ZFPM2: variants seen among roughly 807,000 people sequenced by gnomAD.
The protein encoded by ZFPM2 is zinc finger protein ZFPM2.
In ZFPM2, 20 loss-of-function variants were observed where a neutral mutation model predicts 98.6. That is an observed-to-expected ratio of 0.20 (90% CI 0.14 to 0.29). The LOEUF (loss-of-function observed/expected upper bound fraction) is 0.29, where lower values mean the gene tolerates loss of function less well. Among genes scored for constraint, ZFPM2 ranks in the 10% least tolerant of loss-of-function variants. The pLI is 1.00. For synonymous variants in ZFPM2, 518 were observed against 502.7 expected (o/e 1.03, Z -0.41); for missense variants, 1,310 against 1,388.6 (o/e 0.94, Z 0.90).
chr8:105,503,747 C>T (rs541700642), intron 3 of ZFPM2, among the ~76,000 whole-genome samples: 4 of 152,242 alleles, frequency 2.6e-5, no homozygotes, highest in East Asian at 1.9e-4. Context: ...TATTTACTCA[C>T]ATTGATAAAG....
Position 105,786,735 on chromosome 8 carries a change from T to G in ZFPM2, c.533-1983T>G, listed in dbSNP as rs186725853. On this transcript the variant is annotated intron_variant, in intron 5 of 7. Transcript: ENST00000407775. ...TAATTTTACTTATTTACTAAATCTT[T>G]TGGTTCAGAATTTGAGCATAAATAC... Among the ~76,000 whole-genome samples the G allele has an allele frequency of 3.3e-5, 5 of 152,380 alleles. No individual in the cohort carries two copies. The East Asian group carries it at 9.6e-4, about 29-fold the overall frequency.
At chr8:105,357,077 G>A (rs1812762120) in intron 1 of ZFPM2, among the ~76,000 whole-genome samples, 3 of 144,854 alleles carry the variant, frequency 2.1e-5, no homozygotes, top group Non-Finnish European at 3.1e-5. Flanking sequence ...CAAGCCCCTG[G>A]CTTCTGTTCC....
intron 4 of ZFPM2, among the ~76,000 whole-genome samples, chr8:105,609,143 A>C (rs539878567): frequency 1.3e-5 from 2 of 152,272 alleles, no homozygotes; most frequent in African/African-American, 4.8e-5. Context: ...AAAAGGGTGA[A>C]CTGAAGGAGG....
rs35570669 is a variant in ZFPM2 at position 105,562,314 on chromosome 8, TAATAAATA to T, written c.420+869_420+876del. On this transcript the variant is annotated intron_variant, in intron 4 of 7. Coordinates refer to ENST00000407775, the MANE Select transcript of ZFPM2 (RefSeq NM_012082.4). ...GACAGAGCAAGACTCCATCTCAAAATAATAAATAAATAAATAAATAAATAAATAAATAA... is the reference window on the plus strand; with the variant it reads ...GACAGAGCAAGACTCCATCTCAAAATAATAAATAAATAAATAAATAAATAA... 1.1e-3 allele frequency among the ~76,000 whole-genome samples: 160 copies of T among 147,824 alleles called. 1 individual carries two copies. The highest frequency in any genetic ancestry group is 8.6e-3 in the East Asian group (43 of 4,998).
intron 1 of ZFPM2, among the ~76,000 whole-genome samples, chr8:105,381,914 T>C (rs1445573378): frequency 6.6e-6 from 1 of 152,136 alleles, no homozygotes; most frequent in Admixed American, 6.6e-5. Context: ...GTTGAAGTTG[T>C]AAACATTATT....
chr8:105,646,172 G>C (rs1385017940), intron 5 of ZFPM2, among the ~76,000 whole-genome samples: 1 of 152,058 alleles, frequency 6.6e-6, no homozygotes, highest in Non-Finnish European at 1.5e-5. Context: ...ATGATCCAAG[G>C]GTGGGGTTTT....
intron 5 of ZFPM2, among the ~76,000 whole-genome samples, chr8:105,649,332 C>T (rs972288796): frequency 6.6e-6 from 1 of 152,044 alleles, no homozygotes; most frequent in Non-Finnish European, 1.5e-5. Flanking sequence ...CAAACAGGGA[C>T]AATTTGACTT....
Position 105,561,347 on chromosome 8 carries a change from G to C in ZFPM2, c.302-16G>C. The C allele has an allele frequency of 1.9e-6, 3 of 1,604,498 alleles. No individual in the cohort carries two copies. The highest frequency in any genetic ancestry group is 2.6e-6 in the Non-Finnish European group (3 of 1,171,902). On this transcript the variant is annotated splice_polypyrimidine_tract_variant and intron_variant, in intron 3 of 7. Coordinates refer to ENST00000407775, the MANE Select transcript of ZFPM2 (RefSeq NM_012082.4). ...ACAAGTAAGTATTCTAAACACTTCT[G>C]TTCCTTTGTCTGCAGGAGAGCTGGA...
intron 3 of ZFPM2, among the ~76,000 whole-genome samples, chr8:105,462,531 C>G (rs1371416540): frequency 6.6e-6 from 1 of 152,084 alleles, no homozygotes; most frequent in Non-Finnish European, 1.5e-5. Flanking sequence ...TTCTGCTGCT[C>G]CATTCCCCTG....
intron 3 of ZFPM2, among the ~76,000 whole-genome samples, chr8:105,550,556 A>T (rs1251481432): frequency 6.6e-6 from 1 of 152,178 alleles, no homozygotes; most frequent in Non-Finnish European, 1.5e-5. Context: ...GGTAGAAAGC[A>T]TTGTGGAGAT....
At chr8:105,792,497 G>A (rs1344809840) in intron 6 of ZFPM2, among the ~76,000 whole-genome samples, 1 of 152,136 alleles carries the variant, frequency 6.6e-6, no homozygotes, top group Admixed American at 6.5e-5. Flanking sequence ...GCTGAGTAGA[G>A]CTTTACTTCC....
intron 3 of ZFPM2, among the ~76,000 whole-genome samples, chr8:105,467,363 A>C (rs1812813683): frequency 6.6e-6 from 1 of 152,106 alleles, no homozygotes; most frequent in Non-Finnish European, 1.5e-5. Context: ...GTAGGTCTTA[A>C]ATAAAAGGAC....
intron 5 of ZFPM2, among the ~76,000 whole-genome samples, chr8:105,782,967 T>C (rs931612362): frequency 2.0e-5 from 3 of 152,074 alleles, no homozygotes. Flanking sequence ...CCACTGGCAC[T>C]GGAAACACAG....
intron 1 of ZFPM2, among the ~76,000 whole-genome samples, chr8:105,344,101 A>G (rs1404437250): frequency 1.3e-5 from 2 of 152,140 alleles, no homozygotes; most frequent in African/African-American, 4.8e-5. Flanking sequence ...CGTATTCACT[A>G]TCACGAGAAC....
At chr8:105,604,249 T>G (rs1816151527) in intron 4 of ZFPM2, among the ~76,000 whole-genome samples, 1 of 151,984 alleles carries the variant, frequency 6.6e-6, no homozygotes, top group Admixed American at 6.6e-5. Flanking sequence ...CTTCACTGAC[T>G]CTATCCCCAG....
At chr8:105,590,512 T>C (rs980421424) in intron 4 of ZFPM2, among the ~76,000 whole-genome samples, 5 of 152,244 alleles carry the variant, frequency 3.3e-5, no homozygotes, top group Admixed American at 3.3e-4. Flanking sequence ...CTGCTTTGGT[T>C]TACTTCAGGC....
At chr8:105,354,958 G>GA (rs1043117390) in intron 1 of ZFPM2, among the ~76,000 whole-genome samples, 3 of 150,628 alleles carry the variant, frequency 2.0e-5, no homozygotes, top group Non-Finnish European at 3.0e-5. Flanking sequence ...TGTCTCAAAA[G>GA]AAAAAAAAGA....
At chr8:105,426,047 G>A (rs1284111294) in intron 2 of ZFPM2, among the ~76,000 whole-genome samples, 2 of 151,996 alleles carry the variant, frequency 1.3e-5, no homozygotes, top group African/African-American at 2.4e-5. Context: ...CCTTGGTTAT[G>A]CCTTTAATGA....
chr8:105,712,105 T>G (rs920980673), intron 5 of ZFPM2, among the ~76,000 whole-genome samples: 9 of 151,908 alleles, frequency 5.9e-5, no homozygotes, highest in African/African-American at 2.2e-4. Flanking sequence ...GATTGTTAAC[T>G]GGGGGAAAAA....
Sources: allele counts gnomAD v4.1 joint callset (sites outside exome capture counted in the v4.1 genomes callset), GRCh38; gene constraint gnomAD v4.1.1; transcripts MANE v1.5; gene names NCBI Gene and HGNC (gene_info 2026-07-23, HGNC 2026-07-21).